The following IQCJ variants were observed in gnomAD, a reference collection of about 807,000 sequenced individuals.
IQCJ encodes IQ motif containing J.
A neutral mutation model predicts 11.0 loss-of-function variants in IQCJ; 9 were observed. The ratio of observed to expected loss-of-function variants is 0.82; its 90% CI spans 0.49 to 1.43. IQCJ has a LOEUF of 1.43. IQCJ is among the 40% of genes most tolerant of loss of function. IQCJ has a pLI of 0.00. For synonymous variants in IQCJ, 55 were observed against 51.3 expected, an observed-to-expected ratio of 1.07 and a Z score of -0.31; for missense variants, 146 against 133.2, an observed-to-expected ratio of 1.10 and a Z score of -0.47.
chr3:159,228,268 G>A (rs953641608), intron 1 of IQCJ, among the ~76,000 whole-genome samples: 8 of 152,112 alleles, frequency 5.3e-5, no homozygotes, highest in African/African-American at 7.2e-5. Context: ...TTGGGATGTA[G>A]GCTTTCTTTC....
At chr3:159,090,282 C>A (rs1463848860) in intron 1 of IQCJ, among the ~76,000 whole-genome samples, 1 of 151,722 alleles carries the variant, frequency 6.6e-6, no homozygotes, top group Non-Finnish European at 1.5e-5. Flanking sequence ...GCAGTCTGCC[C>A]GTTCTCAGAT....
intron 1 of IQCJ, among the ~76,000 whole-genome samples, chr3:159,165,770 T>G (rs1250265659): frequency 2.7e-5 from 4 of 149,258 alleles, no homozygotes; most frequent in African/African-American, 9.9e-5. Flanking sequence ...TGTGCCACCA[T>G]GCCCAGCTAA....
chr3:159,104,005 T>C (rs182489877), intron 1 of IQCJ, among the ~76,000 whole-genome samples: 9 of 152,368 alleles, frequency 5.9e-5, no homozygotes, highest in African/African-American at 1.7e-4. Flanking sequence ...CTTCATCCAG[T>C]CTCTGTGCTT....
At chr3:159,260,941 A>G (rs1331172649) in intron 3 of IQCJ, among the ~76,000 whole-genome samples, 2 of 152,202 alleles carry the variant, frequency 1.3e-5, no homozygotes, top group South Asian at 2.1e-4. Flanking sequence ...TCCTAGCTTC[A>G]GGGAATTGGC....
chr3:159,070,200 T>A (rs562292950), intron 1 of IQCJ: 1 of 153,064 alleles, frequency 6.5e-6, no homozygotes, highest in East Asian at 1.9e-4. Context: ...TCTGCATGTG[T>A]TTATTGAACT....
intron 1 of IQCJ, among the ~76,000 whole-genome samples, chr3:159,113,990 G>C (rs1014811314): frequency 1.4e-4 from 21 of 152,242 alleles, no homozygotes; most frequent in African/African-American, 5.1e-4. Context: ...TTTCAGCTCT[G>C]TACTTGGCTG....
At chr3:159,124,485 G>T (rs2108147818) in intron 1 of IQCJ, among the ~76,000 whole-genome samples, 1 of 152,136 alleles carries the variant, frequency 6.6e-6, no homozygotes, top group Non-Finnish European at 1.5e-5. Flanking sequence ...GTGCTCCCAA[G>T]GGCCCCATTC....
At chr3:159,224,837 G>A (rs1255127417) in intron 1 of IQCJ, among the ~76,000 whole-genome samples, 1 of 152,064 alleles carries the variant, frequency 6.6e-6, no homozygotes, top group Non-Finnish European at 1.5e-5. Context: ...GGGAGAATCT[G>A]TACATTTAAA....
At chr3:159,189,552 G>T (rs953938067) in intron 1 of IQCJ, among the ~76,000 whole-genome samples, 5 of 152,140 alleles carry the variant, frequency 3.3e-5, no homozygotes, top group African/African-American at 1.2e-4. Flanking sequence ...GAAACTGATT[G>T]GAGTAGACAA....
At chr3:159,183,100 A>G (rs774059026) in intron 1 of IQCJ, among the ~76,000 whole-genome samples, 3 of 152,114 alleles carry the variant, frequency 2.0e-5, no homozygotes, top group Non-Finnish European at 4.4e-5. Context: ...AGGTATTCAT[A>G]GGACTCCTTT....
At chr3:159,209,008 C>G (rs1408196677) in intron 1 of IQCJ, among the ~76,000 whole-genome samples, 1 of 152,180 alleles carries the variant, frequency 6.6e-6, no homozygotes, top group African/African-American at 2.4e-5. Flanking sequence ...GGCAGAGTCC[C>G]TGGCAAGGGT....
chr3:159,141,202 T>G (rs1182976934), intron 1 of IQCJ, among the ~76,000 whole-genome samples: 1 of 152,112 alleles, frequency 6.6e-6, no homozygotes, highest in African/African-American at 2.4e-5. Flanking sequence ...ATAGAAGTTA[T>G]CCAGGCAAAG....
intron 1 of IQCJ, among the ~76,000 whole-genome samples, chr3:159,101,090 G>C (rs1290510655): frequency 2.5e-5 from 3 of 118,830 alleles, no homozygotes; most frequent in African/African-American, 1.0e-4. Context: ...TTCTTAAGCC[G>C]GTCTGAAAAG....
At chr3:159,154,189 A>C (rs1189126947) in intron 1 of IQCJ, among the ~76,000 whole-genome samples, 1 of 152,190 alleles carries the variant, frequency 6.6e-6, no homozygotes, top group Non-Finnish European at 1.5e-5. Flanking sequence ...GATAAAAATC[A>C]TTAGAAAGAT....
At chr3:159,200,360 T>C (rs917210478) in intron 1 of IQCJ, among the ~76,000 whole-genome samples, 3 of 152,016 alleles carry the variant, frequency 2.0e-5, no homozygotes, top group Admixed American at 1.3e-4. Context: ...GGTATGATCA[T>C]GACTGTGGCA....
chr3:159,135,715 T>C (rs1284310616), intron 1 of IQCJ, among the ~76,000 whole-genome samples: 4 of 152,196 alleles, frequency 2.6e-5, no homozygotes, highest in Non-Finnish European at 5.9e-5. Context: ...CTTCTTTCGC[T>C]GGCCATACCA....
chr3:159,162,205 C>A (rs987453999), intron 1 of IQCJ, among the ~76,000 whole-genome samples: 32 of 152,014 alleles, frequency 2.1e-4, no homozygotes, highest in Non-Finnish European at 4.3e-4. Context: ...CTTTTATTTC[C>A]TTGAGCAGTG....
chr3:159,233,978 G>C, intron 1 of IQCJ, among the ~76,000 whole-genome samples: 1 of 152,188 alleles, frequency 6.6e-6, no homozygotes, highest in East Asian at 1.9e-4. Flanking sequence ...AATCCGAGCA[G>C]TTTGCAGAAC....
chr3:159,088,322 G>A (rs1357995697), intron 1 of IQCJ, among the ~76,000 whole-genome samples: 2 of 152,050 alleles, frequency 1.3e-5, no homozygotes, highest in East Asian at 3.9e-4. Context: ...ATTTGCTGAG[G>A]AGAGCTTTAC....
Sources: allele counts gnomAD v4.1 joint callset (sites outside exome capture counted in the v4.1 genomes callset), GRCh38; gene constraint gnomAD v4.1.1; transcripts MANE v1.5; gene names NCBI Gene and HGNC (gene_info 2026-07-23, HGNC 2026-07-21).